The following SLC38A1 variants were observed in gnomAD, a reference collection of about 807,000 sequenced individuals.
The protein encoded by SLC38A1 is solute carrier family 38 member 1.
In SLC38A1, 18 loss-of-function variants were observed where a neutral mutation model predicts 60.3. The observed-to-expected ratio is 0.30, with a 90% confidence interval of 0.21 to 0.44. The LOEUF (loss-of-function observed/expected upper bound fraction) is 0.44, where lower values mean the gene tolerates loss of function less well. Among genes scored for constraint, SLC38A1 ranks in the 20% least tolerant of loss-of-function variants. SLC38A1 has a pLI of 1.00. For missense variants in SLC38A1, 448 were observed against 587.2 expected, an observed-to-expected ratio of 0.76 and a Z score of 2.45; for synonymous variants, 196 against 212.1, an observed-to-expected ratio of 0.92 and a Z score of 0.66.
chr12:46,199,161 G>A (rs899362002), intron 13 of SLC38A1, among the ~76,000 whole-genome samples: 2 of 152,110 alleles, frequency 1.3e-5, no homozygotes, highest in Non-Finnish European at 2.9e-5. Context: ...CCACCTTGGA[G>A]CTTGTTTCAA....
rs1243759641 is a variant in SLC38A1 at position 46,268,261 on chromosome 12, A to G, written c.-209+265T>C. 6.6e-6 allele frequency among the ~76,000 whole-genome samples: 1 copy of G among 152,198 alleles called. No individual in the cohort carries two copies. Among genetic ancestry groups the G allele is most frequent in the Non-Finnish European group, 1.5e-5 (1 of 68,032 alleles). On this transcript the variant is annotated intron_variant, in intron 1 of 16. Transcript: ENST00000398637. The surrounding 1 kb of genome is among the most constrained non-coding windows in gnomAD (Gnocchi z 4.4). ...CAGGAAAACACACCAAAGTCACAGG[A>G]AAACAAACCAAAAAGTAAGCCACAG...
intron 5 of SLC38A1, among the ~76,000 whole-genome samples, chr12:46,212,994 T>A (rs544772662): frequency 6.6e-6 from 1 of 152,198 alleles, no homozygotes; most frequent in African/African-American, 2.4e-5. Context: ...CATTTTAAGA[T>A]TGTGCTCTTT....
At chr12:46,240,464 C>T (rs542787069) in intron 2 of SLC38A1, among the ~76,000 whole-genome samples, 90 of 152,234 alleles carry the variant, frequency 5.9e-4, no homozygotes, top group African/African-American at 2.0e-3. Flanking sequence ...CCAAAGTGTT[C>T]AAATTACAGG....
chr12:46,223,452 T>TCACACACACACACACACACA (rs146387838), intron 5 of SLC38A1, among the ~76,000 whole-genome samples: 12 of 146,184 alleles, frequency 8.2e-5, no homozygotes, highest in African/African-American at 3.0e-4. Flanking sequence ...TCTCTCACAT[T>TCACACACACACACACACACA]CACACACACA....
intron 3 of SLC38A1, among the ~76,000 whole-genome samples, chr12:46,238,108 C>T (rs532983345): frequency 6.6e-6 from 1 of 151,832 alleles, no homozygotes; most frequent in South Asian, 2.1e-4. Flanking sequence ...TTCTCACTTG[C>T]AGAAGAATAC....
At chr12:46,249,809 A>T (rs1423133513) in intron 1 of SLC38A1, among the ~76,000 whole-genome samples, 1 of 152,246 alleles carries the variant, frequency 6.6e-6, no homozygotes, top group South Asian at 2.1e-4. Context: ...ATCTCTGAAT[A>T]GACCAATAAC....
intron 2 of SLC38A1, among the ~76,000 whole-genome samples, chr12:46,242,127 A>T: frequency 6.6e-6 from 1 of 152,352 alleles, no homozygotes; most frequent in East Asian, 1.9e-4. Flanking sequence ...AAGAATGAAA[A>T]CAACAGATGA....
At chr12:46,246,083 G>A (rs1035793314) in intron 1 of SLC38A1, among the ~76,000 whole-genome samples, 24 of 152,164 alleles carry the variant, frequency 1.6e-4, no homozygotes, top group Non-Finnish European at 2.1e-4. Context: ...AGCTCCCAGC[G>A]TGAACAAAGC....
Position 46,204,297 on chromosome 12 carries a change from T to C in SLC38A1, c.822+4A>G. ...TTTCATCTGCAAAGGATCAGGAAAC[T>C]TACCTTTGAATTGAAGGTAACATAT... is the stretch of plus-strand genomic sequence containing the variant. On this transcript the variant is annotated splice_donor_region_variant and intron_variant, in intron 11 of 16. Coordinates refer to ENST00000398637, the MANE Select transcript of SLC38A1 (RefSeq NM_030674.4). The C allele has an allele frequency of 6.4e-7, 1 of 1,563,832 alleles. No individual in the cohort carries two copies. Among genetic ancestry groups the C allele is most frequent in the Non-Finnish European group, 8.8e-7 (1 of 1,134,506 alleles).
At chr12:46,246,551 T>A (rs996113810) in intron 1 of SLC38A1, among the ~76,000 whole-genome samples, 1 of 152,200 alleles carries the variant, frequency 6.6e-6, no homozygotes, top group Non-Finnish European at 1.5e-5. Context: ...AGGCTTGCTG[T>A]CTCTATAGAC....
intron 11 of SLC38A1, among the ~76,000 whole-genome samples, chr12:46,203,601 T>A (rs982207090): frequency 3.9e-5 from 6 of 152,252 alleles, no homozygotes; most frequent in African/African-American, 1.4e-4. Flanking sequence ...ACTTTGGCTA[T>A]ATCCTTACAA....
chr12:46,239,769 G>T lies in SLC38A1; in HGVS notation c.32C>A (p.Thr11Asn). MMHFKSGLEL[T>N]ELQNMTVPED... ...GGGCACTGTCATGTTTTGCAACTCA[G>T]TTAATTCGAGTCCACTTTTGAAATG... The change falls in exon 3 of 17, where the codon ACT becomes AAT. Residue 11 changes from threonine (T) to asparagine (N), a missense_variant. Transcript: ENST00000398637. 6.2e-7 allele frequency: 1 copy of T among 1,613,140 alleles called. No homozygotes were observed. The highest frequency in any genetic ancestry group is 8.5e-7 in the Non-Finnish European group (1 of 1,179,920).
chr12:46,223,536 T>A (rs935587780), intron 5 of SLC38A1, among the ~76,000 whole-genome samples: 2 of 152,054 alleles, frequency 1.3e-5, no homozygotes, highest in African/African-American at 4.8e-5. Flanking sequence ...AAAGTCTCCT[T>A]GCATGCCACT....
chr12:46,256,165 CAAA>C (rs61078872), intron 1 of SLC38A1, among the ~76,000 whole-genome samples: 11 of 69,296 alleles, frequency 1.6e-4, no homozygotes, highest in East Asian at 4.6e-4. Context: ...GGTTCTATCT[CAAA>C]AAAAAAAAAA....
At chr12:46,222,037 T>C (rs1940680243) in intron 5 of SLC38A1, among the ~76,000 whole-genome samples, 1 of 152,120 alleles carries the variant, frequency 6.6e-6, no homozygotes, top group South Asian at 2.1e-4. Flanking sequence ...TGGCAGAAGC[T>C]GAGGTCATCT....
chr12:46,256,949 T>C (rs1331022189), intron 1 of SLC38A1, among the ~76,000 whole-genome samples: 1 of 152,072 alleles, frequency 6.6e-6, no homozygotes, highest in Non-Finnish European at 1.5e-5. Flanking sequence ...CTGGGTAAGA[T>C]GGTCACCCTG....
At chr12:46,257,724 A>C (rs1026001639) in intron 1 of SLC38A1, among the ~76,000 whole-genome samples, 1 of 152,160 alleles carries the variant, frequency 6.6e-6, no homozygotes, top group African/African-American at 2.4e-5. Flanking sequence ...CCTTTGGATC[A>C]GGGGTTTCCT....
intron 5 of SLC38A1, among the ~76,000 whole-genome samples, chr12:46,226,723 C>A (rs917057955): frequency 6.6e-6 from 1 of 150,386 alleles, no homozygotes; most frequent in East Asian, 2.0e-4. Context: ...TCAATCGATT[C>A]TCCTGCCTCA....
At chr12:46,211,706 C>G (rs986167744) in intron 5 of SLC38A1, among the ~76,000 whole-genome samples, 1 of 152,154 alleles carries the variant, frequency 6.6e-6, no homozygotes, top group African/African-American at 2.4e-5. Context: ...TTCTTCCCCC[C>G]ACTTAAACAC....
Sources: allele counts gnomAD v4.1 joint callset (sites outside exome capture counted in the v4.1 genomes callset), GRCh38; gene constraint gnomAD v4.1.1; non-coding constraint Gnocchi (gnomAD v3.1); transcripts MANE v1.5; gene names NCBI Gene and HGNC (gene_info 2026-07-23, HGNC 2026-07-21).